Variants in ADARB2 observed in about 807,000 individuals in gnomAD.
ADARB2 encodes adenosine deaminase RNA specific B2 (inactive).
Under a neutral mutation model 62.2 loss-of-function variants are expected in ADARB2, and 25 were observed. The ratio of observed to expected loss-of-function variants is 0.40; its 90% CI spans 0.29 to 0.56. ADARB2 has a LOEUF of 0.56. ADARB2 is among the 20% of genes least tolerant of loss of function. ADARB2 has a pLI of 0.43. For synonymous variants in ADARB2, 572 were observed against 500.8 expected, an observed-to-expected ratio of 1.14 and a Z score of -1.90; for missense variants, 1,071 against 1,077.4, an observed-to-expected ratio of 0.99 and a Z score of 0.08.
chr10:1,417,067 G>A (rs1832810349), intron 1 of ADARB2, among the ~76,000 whole-genome samples: 1 of 152,186 alleles, frequency 6.6e-6, no homozygotes. Context: ...TGGCCAGAAA[G>A]TGTGGGATAT....
At chr10:1,210,472 G>A (rs1174705288) in intron 7 of ADARB2, among the ~76,000 whole-genome samples, 1 of 152,212 alleles carries the variant, frequency 6.6e-6, no homozygotes, top group Admixed American at 6.5e-5. Flanking sequence ...ACTGGTTTTA[G>A]CACATCCCTA....
At chr10:1,348,618 C>T (rs536163265) in intron 3 of ADARB2, among the ~76,000 whole-genome samples, 2 of 152,178 alleles carry the variant, frequency 1.3e-5, no homozygotes, top group African/African-American at 2.4e-5. Context: ...ACCCCCTCTG[C>T]TCTGTCTGCT....
At chr10:1,638,792 C>T (rs867046042) in intron 1 of ADARB2, among the ~76,000 whole-genome samples, 3 of 152,190 alleles carry the variant, frequency 2.0e-5, no homozygotes, top group South Asian at 4.1e-4. Flanking sequence ...CTGGACCCGA[C>T]GAGCTGGGAG....
In ADARB2 at chr10:1,186,211, C is replaced by T. The variant is rs11250318; in HGVS notation, c.1865-1172G>A. Among the ~76,000 whole-genome samples the T allele has an allele frequency of 6.1e-4, 93 of 152,362 alleles. No homozygotes were observed. The East Asian group carries it at 0.017, about 27-fold the overall frequency. ...GGCTATGGGACGCCAGAGGCAGCGT[C>T]CTGGGGACAAAGCCCACTTCTTCCC... On this transcript the variant is annotated intron_variant, in intron 8 of 9. Coordinates refer to ENST00000381312, the MANE Select transcript of ADARB2 (RefSeq NM_018702.4).
chr10:1,270,825 A>C, intron 4 of ADARB2, 130 bp downstream of exon 4: 1 of 763,224 alleles, frequency 1.3e-6, no homozygotes, highest in Non-Finnish European at 2.2e-6. Context: ...TGTATATGCT[A>C]TAATATTTTG....
chr10:1,524,006 T>G (rs899019395), intron 1 of ADARB2, among the ~76,000 whole-genome samples: 2 of 152,104 alleles, frequency 1.3e-5, no homozygotes, highest in Non-Finnish European at 2.9e-5. Flanking sequence ...AATTAAGCAT[T>G]TCATTAATTT....
chr10:1,661,135 A>G (rs1834241557), intron 1 of ADARB2, among the ~76,000 whole-genome samples: 1 of 152,150 alleles, frequency 6.6e-6, no homozygotes, highest in African/African-American at 2.4e-5. Context: ...CCTGACCGAA[A>G]TCAGCCAGAA....
At chr10:1,206,762 C>A (rs922413350) in intron 7 of ADARB2, among the ~76,000 whole-genome samples, 9 of 152,258 alleles carry the variant, frequency 5.9e-5, no homozygotes, top group Non-Finnish European at 1.2e-4. Context: ...TGCTGAGCAT[C>A]CCAGGTCCCC....
At chr10:1,268,171 T>C (rs1463327024) in intron 4 of ADARB2, among the ~76,000 whole-genome samples, 2 of 152,194 alleles carry the variant, frequency 1.3e-5, no homozygotes. Context: ...ATAGATGTTA[T>C]CTAGAACTGA....
intron 6 of ADARB2, among the ~76,000 whole-genome samples, chr10:1,227,393 C>T (rs777058056): frequency 5.5e-4 from 84 of 152,218 alleles, no homozygotes; most frequent in Non-Finnish European, 1.1e-3. Flanking sequence ...AGCTCAAGCA[C>T]GGTGCACTGC....
chr10:1,638,262 A>G (rs1833938112), intron 1 of ADARB2, among the ~76,000 whole-genome samples: 1 of 152,234 alleles, frequency 6.6e-6, no homozygotes, highest in African/African-American at 2.4e-5. Flanking sequence ...GTGAATTAAC[A>G]ATGAGCTTTG....
chr10:1,649,361 T>A, intron 1 of ADARB2, among the ~76,000 whole-genome samples: 1 of 152,224 alleles, frequency 6.6e-6, no homozygotes, highest in Non-Finnish European at 1.5e-5. Context: ...GCATCGAGTA[T>A]TCCCCAATTT....
At chr10:1,509,379 G>A (rs1351033306) in intron 1 of ADARB2, among the ~76,000 whole-genome samples, 3 of 152,088 alleles carry the variant, frequency 2.0e-5, no homozygotes, top group Non-Finnish European at 4.4e-5. Flanking sequence ...AATTTAGCTC[G>A]ATGCTTTCTC....
chr10:1,252,758 G>C (rs1465454989), intron 4 of ADARB2, among the ~76,000 whole-genome samples: 1 of 152,008 alleles, frequency 6.6e-6, no homozygotes, highest in African/African-American at 2.4e-5. Context: ...CTGGCTTGGG[G>C]ACATCTTGTC....
At chr10:1,243,814 C>T (rs1256297509) in intron 4 of ADARB2, among the ~76,000 whole-genome samples, 5 of 152,212 alleles carry the variant, frequency 3.3e-5, no homozygotes, top group East Asian at 1.9e-4. Context: ...CTGCTCTCTC[C>T]GCTCATCCCA....
At position 1,350,505 on chromosome 10, in the gene ADARB2, C is replaced by T. The variant is rs545155978; in HGVS notation, c.1077+12523G>A. ...CCTGGTCTGACTTACAGTTTCGTTC[C>T]GTGACTAGCTCTCCCCCACCTGCCC... On this transcript the variant is annotated intron_variant, in intron 3 of 9. Coordinates refer to ENST00000381312, the MANE Select transcript of ADARB2 (RefSeq NM_018702.4). Among the ~76,000 whole-genome samples the T allele has an allele frequency of 2.9e-3, 439 of 152,284 alleles. 1 individual carries two copies. The highest frequency in any genetic ancestry group is 3.8e-3 in the Non-Finnish European group (257 of 68,034).
chr10:1,431,008 C>G (rs2805547), intron 1 of ADARB2, among the ~76,000 whole-genome samples: 64,452 of 152,042 alleles, frequency 0.42, 15,683 homozygotes, highest in East Asian at 0.68. Flanking sequence ...TGATAGAACT[C>G]CTAGACTAAA....
chr10:1,296,205 C>T (rs914998360), intron 3 of ADARB2, among the ~76,000 whole-genome samples: 1 of 152,192 alleles, frequency 6.6e-6, no homozygotes. Context: ...ACGTGTAAGA[C>T]AAACATGAAT....
chr10:1,491,728 C>T (rs1443406200), intron 1 of ADARB2, among the ~76,000 whole-genome samples: 1 of 152,132 alleles, frequency 6.6e-6, no homozygotes, highest in Non-Finnish European at 1.5e-5. Context: ...TGCTACCCCT[C>T]AACAAGGCAA....
Sources: allele counts gnomAD v4.1 joint callset (sites outside exome capture counted in the v4.1 genomes callset), GRCh38; gene constraint gnomAD v4.1.1; transcripts MANE v1.5; gene names NCBI Gene and HGNC (gene_info 2026-07-23, HGNC 2026-07-21).